GRIN2A: variants seen among roughly 807,000 people sequenced by gnomAD.
GRIN2A encodes glutamate receptor ionotropic, NMDA 2A.
In GRIN2A, 22 loss-of-function variants were observed where a neutral mutation model predicts 113.4. The ratio of observed to expected loss-of-function variants is 0.19; its 90% CI spans 0.14 to 0.28. GRIN2A has a LOEUF of 0.28. Ranked by LOEUF, GRIN2A falls within the 10% of genes least tolerant of loss-of-function variation. The pLI, the probability that GRIN2A is intolerant of heterozygous loss-of-function variation, is 1.00. For synonymous variants in GRIN2A, 827 were observed against 738.4 expected, an observed-to-expected ratio of 1.12 and a Z score of -1.94; for missense variants, 1,502 against 1,887.0, an observed-to-expected ratio of 0.80 and a Z score of 3.78.
At chr16:10,075,786 G>T (rs566306016) in intron 2 of GRIN2A, among the ~76,000 whole-genome samples, 1 of 151,922 alleles carries the variant, frequency 6.6e-6, no homozygotes, top group African/African-American at 2.4e-5. Flanking sequence ...CATTCATCTC[G>T]TCAATATCTA....
intron 10 of GRIN2A, among the ~76,000 whole-genome samples, chr16:9,812,822 C>T (rs2042111477): frequency 6.6e-6 from 1 of 152,062 alleles, no homozygotes; most frequent in Admixed American, 6.5e-5. Context: ...TAAGTGAATT[C>T]AGAAGTGGAA....
At chr16:10,040,053 C>CACA (rs1170802516) in intron 2 of GRIN2A, among the ~76,000 whole-genome samples, 5 of 786 alleles carry the variant, frequency 6.4e-3, no homozygotes, top group South Asian at 0.021. Context: ...CCACACACCA[C>CACA]CATAAATACA....
chr16:9,952,748 G>C (rs1321967597), intron 2 of GRIN2A, among the ~76,000 whole-genome samples: 1 of 152,144 alleles, frequency 6.6e-6, no homozygotes, highest in Non-Finnish European at 1.5e-5. Context: ...CTGCCACAGA[G>C]AGGAACTCAA....
chr16:9,835,761 G>A (rs1243788862), intron 7 of GRIN2A, among the ~76,000 whole-genome samples: 1 of 152,144 alleles, frequency 6.6e-6, no homozygotes, highest in Non-Finnish European at 1.5e-5. Flanking sequence ...ATTAGAGTAT[G>A]ACTACTTAAC....
At chr16:9,896,640 A>T (rs537111018) in intron 3 of GRIN2A, among the ~76,000 whole-genome samples, 76 of 152,236 alleles carry the variant, frequency 5.0e-4, no homozygotes, top group African/African-American at 1.7e-3. Flanking sequence ...CAATGTTAAT[A>T]TTGTCTTTTT....
chr16:9,797,651 A>G (rs1327470607), intron 11 of GRIN2A, among the ~76,000 whole-genome samples: 1 of 152,188 alleles, frequency 6.6e-6, no homozygotes, highest in Non-Finnish European at 1.5e-5. Context: ...TTGACCTCAA[A>G]ATGCATCAGA....
At chr16:10,179,532 T>C (rs781601321) in intron 2 of GRIN2A, 1 of 182,260 alleles carries the variant, frequency 5.5e-6, no homozygotes, top group African/African-American at 2.4e-5. Context: ...CCACATTTAA[T>C]AATTTTTAGA....
At chr16:9,789,541 A>G (rs996323214) in intron 11 of GRIN2A, among the ~76,000 whole-genome samples, 1 of 147,710 alleles carries the variant, frequency 6.8e-6, no homozygotes, top group Admixed American at 7.1e-5. Context: ...GATAAGATAT[A>G]TGAAACATAC....
At chr16:9,928,071 A>G (rs908930841) in intron 3 of GRIN2A, among the ~76,000 whole-genome samples, 3 of 152,208 alleles carry the variant, frequency 2.0e-5, no homozygotes, top group Non-Finnish European at 4.4e-5. Flanking sequence ...TCCCATGCCC[A>G]CGCAGAACAC....
intron 2 of GRIN2A, among the ~76,000 whole-genome samples, chr16:10,109,291 A>C (rs1176026258): frequency 6.6e-6 from 1 of 152,058 alleles, no homozygotes; most frequent in Non-Finnish European, 1.5e-5. Context: ...CCCTCCCACA[A>C]AGTAAACTTC....
intron 8 of GRIN2A, among the ~76,000 whole-genome samples, chr16:9,829,908 C>A (rs537224156): frequency 1.3e-5 from 2 of 152,238 alleles, no homozygotes; most frequent in African/African-American, 4.8e-5. Context: ...AATGGTTATG[C>A]AAAATGGGGG....
At chr16:9,972,225 T>C (rs979005182) in intron 2 of GRIN2A, among the ~76,000 whole-genome samples, 6 of 152,178 alleles carry the variant, frequency 3.9e-5, no homozygotes, top group Admixed American at 3.3e-4. Flanking sequence ...GAGACAGATA[T>C]GGAAATGTAA....
intron 2 of GRIN2A, among the ~76,000 whole-genome samples, chr16:9,947,264 A>G (rs2045041325): frequency 6.6e-6 from 1 of 152,058 alleles, no homozygotes; most frequent in Non-Finnish European, 1.5e-5. Context: ...TTTCTCTAAT[A>G]TGTGCTGAGA....
At chr16:10,135,611 G>A (rs547085170) in intron 2 of GRIN2A, among the ~76,000 whole-genome samples, 56 of 152,296 alleles carry the variant, frequency 3.7e-4, no homozygotes, top group Middle Eastern at 3.4e-3. Context: ...ACAGATGAGC[G>A]GGAGACATAT....
At chr16:9,770,731 A>G (rs929611714) in intron 11 of GRIN2A, among the ~76,000 whole-genome samples, 4 of 152,218 alleles carry the variant, frequency 2.6e-5, no homozygotes, top group East Asian at 1.9e-4. Flanking sequence ...TTCACCTGCT[A>G]TGGCTTTGAA....
chr16:10,156,617 G>A (rs765927002), intron 2 of GRIN2A, among the ~76,000 whole-genome samples: 7 of 152,092 alleles, frequency 4.6e-5, no homozygotes, highest in Non-Finnish European at 7.3e-5. Context: ...TCTGTCTTCT[G>A]GCATAAAAAA....
chr16:9,840,533 G>A (rs896395309), intron 7 of GRIN2A, 114 bp downstream of exon 7: 4 of 974,956 alleles, frequency 4.1e-6, no homozygotes, highest in African/African-American at 3.2e-5. Context: ...TCTGAAATAT[G>A]CTGCCATGGC....
intron 2 of GRIN2A, among the ~76,000 whole-genome samples, chr16:10,154,573 A>G (rs1213181965): frequency 6.6e-6 from 1 of 152,192 alleles, no homozygotes; most frequent in African/African-American, 2.4e-5. Flanking sequence ...GGCTCAGTAC[A>G]TGTTTATGGA....
chr16:9,915,991 G>C (rs2044241897), intron 3 of GRIN2A, among the ~76,000 whole-genome samples: 1 of 152,134 alleles, frequency 6.6e-6, no homozygotes, highest in South Asian at 2.1e-4. Context: ...CTTCCTTCCT[G>C]GGATTATTGA....
Sources: gnomAD v4.1 joint callset for allele counts (sites outside exome capture counted in the v4.1 genomes callset) on GRCh38, gnomAD v4.1.1 for gene constraint, MANE v1.5 for transcripts, NCBI Gene and HGNC (gene_info 2026-07-23, HGNC 2026-07-21) for gene names.